The following TDP1 variants were observed in gnomAD, a reference collection of about 807,000 sequenced individuals.
TDP1 encodes the protein tyrosyl-DNA phosphodiesterase 1.
A neutral mutation model predicts 81.5 loss-of-function variants in TDP1; 64 were observed. The ratio of observed to expected loss-of-function variants is 0.79; its 90% CI spans 0.64 to 0.97. TDP1 has a LOEUF of 0.97. Ranked by LOEUF, TDP1 falls within the 50% of genes least tolerant of loss-of-function variation. The pLI, the probability that TDP1 is intolerant of heterozygous loss-of-function variation, is 0.00. For synonymous variants in TDP1, 256 were observed against 264.3 expected (o/e 0.97, Z 0.30); for missense variants, 723 against 743.8 (o/e 0.97, Z 0.33).
intron 15 of TDP1, among the ~76,000 whole-genome samples, chr14:90,021,851 G>GT (rs1886126537): frequency 6.6e-6 from 1 of 152,192 alleles, no homozygotes; most frequent in African/African-American, 2.4e-5. Context: ...GTCTAAGATT[G>GT]TAACAGATTT....
At chr14:89,994,591 T>C (rs1896504771) in intron 14 of TDP1, among the ~76,000 whole-genome samples, 1 of 152,248 alleles carries the variant, frequency 6.6e-6, no homozygotes, top group African/African-American at 2.4e-5. Flanking sequence ...TGTAGTTCAG[T>C]TCAATGGCAG....
In TDP1 at chr14:90,043,935, T is replaced by C. The variant is rs767103972; in HGVS notation, c.*792T>C. On this transcript the variant is annotated 3_prime_UTR_variant, in exon 17 of 17. Coordinates refer to ENST00000335725, the MANE Select transcript of TDP1 (RefSeq NM_018319.4). ...TTTCACCGATGCCCTCTCTCAGCTTTCTGAGTACGTCTCTTGGGGTCGCTG... is the reference window on the plus strand; with the variant it reads ...TTTCACCGATGCCCTCTCTCAGCTTCCTGAGTACGTCTCTTGGGGTCGCTG... The C allele has an allele frequency of 1.3e-5, 2 of 152,356 alleles. No homozygotes were observed. 9.4% of individuals were successfully genotyped at this position (152,356 alleles called of 1,614,324 possible). A position where few individuals can be genotyped will look rare whatever the true frequency, so the allele number is the denominator to read the frequency against.
chr14:90,014,836 CA>C (rs1369573170), intron 14 of TDP1, among the ~76,000 whole-genome samples: 2 of 152,130 alleles, frequency 1.3e-5, no homozygotes, highest in African/African-American at 4.8e-5. Flanking sequence ...TTCCCATTAC[CA>C]AAGTTCAGGT....
intron 14 of TDP1, among the ~76,000 whole-genome samples, chr14:90,016,943 G>A (rs914428738): frequency 6.6e-6 from 1 of 152,064 alleles, no homozygotes; most frequent in African/African-American, 2.4e-5. Context: ...AGCATCACTC[G>A]GTATCCAGCA....
At chr14:90,010,805 A>G (rs139373751) in intron 14 of TDP1, among the ~76,000 whole-genome samples, 15 of 152,300 alleles carry the variant, frequency 9.8e-5, no homozygotes, top group Non-Finnish European at 1.8e-4. Context: ...AATTTGTGGC[A>G]TTTTGTTAGA....
intron 5 of TDP1, 96 bp from the exon 6 acceptor site, chr14:89,971,079 A>C (rs1462895925): frequency 9.6e-7 from 1 of 1,039,316 alleles, no homozygotes. Flanking sequence ...CAGGTAGTCC[A>C]CCTGCCTCGG....
intron 8 of TDP1, among the ~76,000 whole-genome samples, chr14:89,982,512 G>T (rs1293255472): frequency 2.0e-5 from 3 of 152,126 alleles, no homozygotes; most frequent in Non-Finnish European, 4.4e-5. Context: ...GCCTCACGTG[G>T]TTCCAAGAAT....
chr14:89,986,869 A>G (rs893406112), intron 10 of TDP1: 1 of 152,264 alleles, frequency 6.6e-6, no homozygotes, highest in African/African-American at 2.4e-5. Flanking sequence ...AATTAAACAA[A>G]ACGTCAGTCA....
At chr14:89,993,543 T>C (rs899292311) in intron 14 of TDP1, 60 bp downstream of exon 14, 51 of 1,587,896 alleles carry the variant, frequency 3.2e-5, no homozygotes, top group African/African-American at 1.5e-4. Flanking sequence ...TAATTCTTGC[T>C]CTGAATGTTG....
intron 15 of TDP1, among the ~76,000 whole-genome samples, chr14:90,024,230 G>C (rs1425993770): frequency 6.6e-6 from 1 of 152,108 alleles, no homozygotes; most frequent in Non-Finnish European, 1.5e-5. Flanking sequence ...TGTTTATGCT[G>C]TGCAGAACTC....
chr14:90,022,669 T>C (rs933456767), intron 15 of TDP1: 2 of 816,910 alleles, frequency 2.4e-6, no homozygotes, highest in Non-Finnish European at 3.0e-6. Context: ...TGGGTTATTT[T>C]GATATAGGAG....
chr14:89,998,501 G>T (rs1320319938), intron 14 of TDP1, among the ~76,000 whole-genome samples: 6 of 148,218 alleles, frequency 4.0e-5, no homozygotes, highest in African/African-American at 1.5e-4. Context: ...CCGTTCTACA[G>T]TGTATCCATT....
chr14:89,974,270 G>GT (rs1240422348), intron 6 of TDP1, among the ~76,000 whole-genome samples: 5 of 152,194 alleles, frequency 3.3e-5, no homozygotes, highest in African/African-American at 7.2e-5. Context: ...TATTATCCTT[G>GT]TTTTTTGTGC....
chr14:89,997,982 G>A (rs56930821), intron 14 of TDP1, among the ~76,000 whole-genome samples: 6,801 of 152,142 alleles, frequency 0.045, 503 homozygotes, highest in African/African-American at 0.15. Context: ...GCAAAGAAGT[G>A]TGTTTATGTA....
Position 89,984,528 on chromosome 14 carries a change from C to T in TDP1, c.897C>T (p.Ser299=). ...TTTTTAATTCCAGAATATGGTTGAG[C>T]CCCTTATACCCACGAATTGCTGATG... is the stretch of plus-strand genomic sequence containing the variant. ...WHQKTQGIWL[S]PLYPRIADGT... is the part of the protein sequence containing the mutation. The change falls in exon 9 of 17, where the codon AGC becomes AGT. Residue 299 remains serine (S), a synonymous_variant. Coordinates refer to ENST00000335725, the MANE Select transcript of TDP1 (RefSeq NM_018319.4). The T allele has an allele frequency of 6.2e-7, 1 of 1,613,992 alleles. No individual in the cohort carries two copies. The highest frequency in any genetic ancestry group is 1.6e-4 in the Middle Eastern group (1 of 6,062).
chr14:89,964,963 C>A (rs1892768957), intron 3 of TDP1: 1 of 372,982 alleles, frequency 2.7e-6, no homozygotes, highest in Admixed American at 3.6e-5. Context: ...GCATCAGAAT[C>A]CATGCTGTTT....
intron 7 of TDP1, among the ~76,000 whole-genome samples, chr14:89,976,527 CTTTTTTTTTTTTTTTTTT>C (rs35744477): frequency 3.2e-4 from 28 of 88,754 alleles, no homozygotes; most frequent in African/African-American, 1.3e-3. Context: ...CAACAGAGCT[CTTTTTTTTTTTTTTTTTT>C]TTTTTTTTTT....
In TDP1 at chr14:89,984,660, C is replaced by T. The variant is rs772417477; in HGVS notation, c.1029C>T (p.His343=). The change falls in exon 9 of 17, where the codon CAC becomes CAT. Residue 343 remains histidine (H), a synonymous_variant. Transcript: ENST00000335725. ...PSLKEWIDVI[H]KHDLSETNVY... The stretch of plus-strand genomic sequence containing the variant: ...TCAAGGAGTGGATAGATGTCATTCA[C>T]AAGCACGATCTCTCTGAAACAAAGT... The T allele has an allele frequency of 6.2e-7, 1 of 1,613,914 alleles. No homozygotes were observed. Among genetic ancestry groups the T allele is most frequent in the African/African-American group, 1.3e-5 (1 of 74,908 alleles).
rs538157243 is a variant in TDP1, at chr14:89,990,362, C to G, written c.1366+597C>G. Among the ~76,000 whole-genome samples, 6 of 152,122 alleles carry G rather than the reference C, an allele frequency of 3.9e-5. No individual in the cohort carries two copies. In the South Asian group the frequency reaches 1.2e-3, roughly 32 times the overall value. ...CAGCAGCCCCGCTAGTTAGTGTAAT[C>G]AGGAGATGTTAACTGAAAACCCACA... On this transcript the variant is annotated intron_variant, in intron 12 of 16. Coordinates refer to ENST00000335725, the MANE Select transcript of TDP1 (RefSeq NM_018319.4).
Sources: gnomAD v4.1 joint callset for allele counts (sites outside exome capture counted in the v4.1 genomes callset) on GRCh38, gnomAD v4.1.1 for gene constraint, MANE v1.5 for transcripts, NCBI Gene and HGNC (gene_info 2026-07-23, HGNC 2026-07-21) for gene names.